The following TBX15 variants were observed in gnomAD, a reference collection of about 807,000 sequenced individuals.
TBX15 encodes the protein T-box transcription factor 15.
Under a neutral mutation model 53.9 loss-of-function variants are expected in TBX15, and 18 were observed. The ratio of observed to expected loss-of-function variants is 0.33; its 90% confidence interval spans 0.23 to 0.49. The LOEUF (loss-of-function observed/expected upper bound fraction) is 0.49. Among genes scored for constraint, TBX15 ranks in the 20% least tolerant of loss-of-function variants. The pLI is 0.98. For missense variants in TBX15, 692 were observed against 749.5 expected, an observed-to-expected ratio of 0.92 and a Z score of 0.90; for synonymous variants, 295 against 278.0, an observed-to-expected ratio of 1.06 and a Z score of -0.61.
chr1:118,894,126 C>A (rs1654312082), intron 7 of TBX15, among the ~76,000 whole-genome samples: 1 of 152,070 alleles, frequency 6.6e-6, no homozygotes, highest in South Asian at 2.1e-4. Flanking sequence ...AGAAAGAGAA[C>A]AACGTGGCAG....
chr1:118,890,880 C>T (rs2101455885), intron 7 of TBX15: 2 of 1,303,720 alleles, frequency 1.5e-6, no homozygotes, highest in Non-Finnish European at 2.0e-6. Flanking sequence ...GTTCCATGAG[C>T]CAGACTCTTC....
At chr1:118,925,369 G>A (rs564142855) in intron 3 of TBX15, among the ~76,000 whole-genome samples, 2 of 152,302 alleles carry the variant, frequency 1.3e-5, no homozygotes, top group African/African-American at 4.8e-5. Context: ...TGGACTTTGA[G>A]GCATTTCTAT....
chr1:118,895,220 AC>A (rs1210362909), intron 7 of TBX15, among the ~76,000 whole-genome samples: 1 of 152,122 alleles, frequency 6.6e-6, no homozygotes, highest in Admixed American at 6.6e-5. Flanking sequence ...ACACTGAAAC[AC>A]CCAATGGTAC....
Position 118,884,437 on chromosome 1 carries a change from G to A in TBX15, c.*295C>T, listed in dbSNP as rs1187246363. The A allele has an allele frequency of 1.6e-5, 7 of 444,280 alleles. No individual in the cohort carries two copies. Among genetic ancestry groups the A allele is most frequent in the African/African-American group, 7.9e-5 (4 of 50,474 alleles). The allele number at this position is 444,280 out of a possible 1,614,324, so 27.5% of individuals were successfully genotyped here. A position where few individuals can be genotyped will look rare whatever the true frequency, so the allele number is the denominator to read the frequency against. On this transcript the variant is annotated 3_prime_UTR_variant, in exon 8 of 8. Coordinates refer to ENST00000369429, the MANE Select transcript of TBX15 (RefSeq NM_001330677.2). The stretch of plus-strand genomic sequence containing the variant: ...CTAGCATCTCCCTTAACATTATGAC[G>A]AAGTGATTATTCAGTCTCTTCAAAG...
chr1:118,914,004 TG>T, intron 6 of TBX15, 110 bp downstream of exon 6: 1 of 1,036,596 alleles, frequency 9.6e-7, no homozygotes, highest in South Asian at 1.3e-5. Context: ...GTGTACACAG[TG>T]GCGGAGCATA....
In TBX15 at chr1:118,931,653, T is replaced by C. The variant is rs967260659; in HGVS notation, c.385A>G (p.Ile129Val). 6.2e-7 allele frequency: 1 copy of C among 1,614,040 alleles called. No homozygotes were observed. Among genetic ancestry groups the C allele is most frequent in the African/African-American group, 1.3e-5 (1 of 74,944 alleles). ...CADLWKRFHD[I>V]GTEMIITKAG... ...TTGGTGATGATCATTTCAGTTCCAA[T>C]ATCATGGAACCGCTTCCAGAGGTCA... The change falls in exon 2 of 8, where the codon ATT becomes GTT. Residue 129 changes from isoleucine to valine, a missense_variant. Ile to Val is a conservative substitution (Grantham distance 29). This residue lies in a region of TBX15 where 307 missense variants were observed against 347.5 expected (regional missense o/e 0.88). Transcript: ENST00000369429.
At chr1:118,923,815 T>C (rs1655505704) in intron 4 of TBX15, among the ~76,000 whole-genome samples, 1 of 152,188 alleles carries the variant, frequency 6.6e-6, no homozygotes, top group Non-Finnish European at 1.5e-5. Context: ...ATCCTTATCA[T>C]AGATGGTAAA....
At chr1:118,905,579 T>C (rs570478803) in intron 6 of TBX15, among the ~76,000 whole-genome samples, 1 of 152,314 alleles carries the variant, frequency 6.6e-6, no homozygotes, top group East Asian at 1.9e-4. Flanking sequence ...CCAGCTACCT[T>C]GAATTGTAGA....
chr1:118,916,006 A>C (rs1655207793), intron 5 of TBX15, among the ~76,000 whole-genome samples: 2 of 152,342 alleles, frequency 1.3e-5, no homozygotes, highest in Admixed American at 6.5e-5. Flanking sequence ...TAAAGCTTTT[A>C]ATGTGAGAAT....
intron 1 of TBX15, among the ~76,000 whole-genome samples, chr1:118,972,377 A>ATCTTG (rs1403107954): frequency 1.3e-5 from 2 of 152,198 alleles, no homozygotes. Context: ...TTTGGTGCTC[A>ATCTTG]AGATAGATCT....
intron 1 of TBX15, among the ~76,000 whole-genome samples, chr1:118,942,219 C>T (rs1235144952): frequency 1.3e-5 from 2 of 152,150 alleles, no homozygotes; most frequent in Non-Finnish European, 2.9e-5. Flanking sequence ...AATTTTCTGG[C>T]AGAGGCGTGG....
intron 1 of TBX15, among the ~76,000 whole-genome samples, chr1:118,986,235 C>T (rs894658760): frequency 1.3e-5 from 2 of 152,248 alleles, no homozygotes; most frequent in Non-Finnish European, 2.9e-5. Flanking sequence ...CGAAGGGAAA[C>T]ACACAGTAGC....
At chr1:118,966,106 A>T (rs772880746) in intron 1 of TBX15, among the ~76,000 whole-genome samples, 41 of 152,224 alleles carry the variant, frequency 2.7e-4, no homozygotes, top group Admixed American at 2.6e-4. Flanking sequence ...AAGAATAAGT[A>T]AAAAATATCA....
rs560452271 is a variant in TBX15 at position 118,923,082 on chromosome 1, G to A, written c.861+354C>T. ...CTTGTCTATGTTGATGCTATATCTC[G>A]TATCAGAGCTTGAAAAATCTTAATT... On this transcript the variant is annotated intron_variant, in intron 5 of 7. Coordinates refer to ENST00000369429, the MANE Select transcript of TBX15 (RefSeq NM_001330677.2). 1.4e-4 allele frequency among the ~76,000 whole-genome samples: 21 copies of A among 151,518 alleles called. 1 individual carries two copies. In the East Asian group the frequency reaches 1.7e-3, roughly 13 times the overall value.
At chr1:118,985,423 C>T (rs1038024962) in intron 1 of TBX15, among the ~76,000 whole-genome samples, 1 of 152,228 alleles carries the variant, frequency 6.6e-6, no homozygotes, top group Non-Finnish European at 1.5e-5. Flanking sequence ...GAGTCTGGAG[C>T]CGACAGCTCC....
At chr1:118,964,584 T>G (rs903403540) in intron 1 of TBX15, among the ~76,000 whole-genome samples, 3 of 152,228 alleles carry the variant, frequency 2.0e-5, no homozygotes, top group Admixed American at 1.3e-4. Flanking sequence ...CTGCCTAGAT[T>G]GTAAAGTTTT....
At chr1:118,926,382 T>G (rs1170143664) in intron 3 of TBX15, 128 bp downstream of exon 3, 1 of 864,930 alleles carries the variant, frequency 1.2e-6, no homozygotes, top group African/African-American at 1.7e-5. Flanking sequence ...CCACAGGCCA[T>G]TGACATAGTC....
intron 1 of TBX15, among the ~76,000 whole-genome samples, chr1:118,943,029 A>ACCCAGAT: frequency 6.6e-6 from 1 of 152,288 alleles, no homozygotes; most frequent in South Asian, 2.1e-4. Context: ...AATTCCACAG[A>ACCCAGAT]CCCAGATTAT....
At chr1:118,920,282 T>C (rs1232378061) in intron 5 of TBX15, among the ~76,000 whole-genome samples, 1 of 152,094 alleles carries the variant, frequency 6.6e-6, no homozygotes, top group Non-Finnish European at 1.5e-5. Context: ...CCCCTAACAG[T>C]TCTAACTGGG....
Sources: allele counts gnomAD v4.1 joint callset (sites outside exome capture counted in the v4.1 genomes callset), GRCh38; gene constraint gnomAD v4.1.1; regional missense constraint gnomAD v4.1.1; transcripts MANE v1.5; gene names NCBI Gene and HGNC (gene_info 2026-07-23, HGNC 2026-07-21).